Variants in FGF12 observed in about 807,000 individuals in gnomAD.
FGF12 encodes fibroblast growth factor 12B.
In FGF12, 14 loss-of-function variants were observed where a neutral mutation model predicts 23.6. The ratio of observed to expected loss-of-function variants is 0.59; its 90% CI spans 0.39 to 0.93. The LOEUF is 0.93. Among genes scored for constraint, FGF12 ranks in the 40% least tolerant of loss-of-function variants. The pLI is 0.00. For missense variants in FGF12, 175 were observed against 217.8 expected (o/e 0.80, Z 1.24); for synonymous variants, 62 against 77.3 (o/e 0.80, Z 1.04).
At position 192,303,306 on chromosome 3, in the gene FGF12, C is replaced by T. The variant is rs141063407; in HGVS notation, c.228+32055G>A. On this transcript the variant is annotated intron_variant, in intron 4 of 5. Coordinates refer to ENST00000445105, the MANE Select transcript of FGF12 (RefSeq NM_004113.6). Reference sequence around the variant, plus strand: ...TCACGTTAGTAGACAAAAACATCGACTTGAAGGATGTCCTTGCCAGGTTAG... The same window carrying T: ...TCACGTTAGTAGACAAAAACATCGATTTGAAGGATGTCCTTGCCAGGTTAG... Among the ~76,000 whole-genome samples the T allele has an allele frequency of 1.1e-3, 171 of 152,286 alleles. 1 individual carries two copies. Among genetic ancestry groups the T allele is most frequent in the African/African-American group, 3.9e-3 (162 of 41,552 alleles).
chr3:192,219,450 C>A (rs72625050), intron 4 of FGF12, among the ~76,000 whole-genome samples: 49,937 of 151,886 alleles, frequency 0.33, 9,383 homozygotes, highest in East Asian at 0.89. Flanking sequence ...AGTGGGATCA[C>A]CTGAGATACT....
intron 5 of FGF12, among the ~76,000 whole-genome samples, chr3:192,158,367 TTTCTTTCTTTCTTTC>T (rs769434220): frequency 1.6e-5 from 2 of 122,430 alleles, no homozygotes; most frequent in Admixed American, 8.8e-5. Flanking sequence ...TCTTTCTTTC[TTTCTTTCTTTCTTTC>T]TTTTCTTTCT....
At chr3:192,667,492 C>T (rs909714504) in intron 2 of FGF12, among the ~76,000 whole-genome samples, 1 of 151,178 alleles carries the variant, frequency 6.6e-6, no homozygotes, top group Non-Finnish European at 1.5e-5. Flanking sequence ...TACCTGTAGT[C>T]TCAGCTACCC....
At chr3:192,709,521 G>T (rs541603374) in intron 2 of FGF12, among the ~76,000 whole-genome samples, 1 of 152,310 alleles carries the variant, frequency 6.6e-6, no homozygotes, top group African/African-American at 2.4e-5. Flanking sequence ...TTAGTGGAAA[G>T]TATATTACTA....
At chr3:192,671,175 A>T (rs1312454185) in intron 2 of FGF12, among the ~76,000 whole-genome samples, 1 of 152,230 alleles carries the variant, frequency 6.6e-6, no homozygotes, top group Non-Finnish European at 1.5e-5. Flanking sequence ...CATACCAAGT[A>T]AAGGAATTTA....
At chr3:192,354,990 G>A (rs1398752272) in intron 3 of FGF12, among the ~76,000 whole-genome samples, 2 of 152,158 alleles carry the variant, frequency 1.3e-5, no homozygotes, top group Non-Finnish European at 2.9e-5. Context: ...GATTACAGGC[G>A]TCAGCCACTG....
At chr3:192,519,621 T>C (rs548923329) in intron 2 of FGF12, among the ~76,000 whole-genome samples, 3 of 152,356 alleles carry the variant, frequency 2.0e-5, no homozygotes, top group African/African-American at 7.2e-5. Flanking sequence ...CTCAAACTTT[T>C]ATCCACTGAT....
In FGF12 at chr3:192,384,636, A is replaced by G. The variant is rs1008926072; in HGVS notation, c.14-24098T>C. On this transcript the variant is annotated intron_variant, in intron 2 of 5. Transcript: ENST00000445105. Reference sequence around the variant, plus strand: ...TTAATACATATATGAAAATTCTTAAAGAGAAAAAAATACTTATACACATAC... The same window carrying G: ...TTAATACATATATGAAAATTCTTAAGGAGAAAAAAATACTTATACACATAC... 3.9e-5 allele frequency among the ~76,000 whole-genome samples: 6 copies of G among 152,362 alleles called. No homozygotes were observed. The South Asian group carries it at 1.2e-3, about 32-fold the overall frequency.
chr3:192,453,956 T>C (rs1033736054), intron 2 of FGF12, among the ~76,000 whole-genome samples: 13 of 152,186 alleles, frequency 8.5e-5, no homozygotes, highest in African/African-American at 2.2e-4. Flanking sequence ...TTTCTCTCCA[T>C]GCAATACTTT....
Position 192,483,645 on chromosome 3 carries a change from C to T in FGF12, c.14-123107G>A, listed in dbSNP as rs1723542836. ...GTGTAAATGAGAGAAGAATTCAAAG[C>T]AGAGAATGATCATTCCAGCATGAAT... On this transcript the variant is annotated intron_variant, in intron 2 of 5. Transcript: ENST00000445105. Among the ~76,000 whole-genome samples the T allele has an allele frequency of 2.6e-5, 4 of 152,176 alleles. No homozygotes were observed. In the South Asian group the frequency reaches 8.3e-4, roughly 32 times the overall value.
intron 4 of FGF12, among the ~76,000 whole-genome samples, chr3:192,319,426 G>T (rs572373146): frequency 6.6e-6 from 1 of 151,756 alleles, no homozygotes; most frequent in Non-Finnish European, 1.5e-5. Flanking sequence ...GTGAAACTTC[G>T]CCTCTACTAA....
chr3:192,711,358 G>A (rs549008161), intron 2 of FGF12, among the ~76,000 whole-genome samples: 42 of 151,896 alleles, frequency 2.8e-4, no homozygotes, highest in African/African-American at 5.6e-4. Flanking sequence ...CCGCCGTCCC[G>A]TCCGGGAGGT....
chr3:192,185,753 G>A (rs144815698), intron 4 of FGF12, among the ~76,000 whole-genome samples: 7 of 151,880 alleles, frequency 4.6e-5, no homozygotes, highest in East Asian at 1.9e-4. Context: ...CCAGCTACTC[G>A]GGAGGCTGAG....
chr3:192,614,291 A>C (rs1459798498), intron 2 of FGF12, among the ~76,000 whole-genome samples: 3 of 151,886 alleles, frequency 2.0e-5, no homozygotes, highest in Non-Finnish European at 2.9e-5. Flanking sequence ...AATCTGCTAC[A>C]AAGATCCTTT....
intron 4 of FGF12, among the ~76,000 whole-genome samples, chr3:192,210,422 G>GCC (rs1717869893): frequency 6.6e-6 from 1 of 152,222 alleles, no homozygotes; most frequent in Non-Finnish European, 1.5e-5. Flanking sequence ...CTCACACAGA[G>GCC]CCAAGAGTAG....
intron 5 of FGF12, among the ~76,000 whole-genome samples, chr3:192,155,132 T>C (rs1714317424): frequency 6.6e-6 from 1 of 151,614 alleles, no homozygotes; most frequent in Non-Finnish European, 1.5e-5. Flanking sequence ...CCTGCCCCCT[T>C]GCGCTTCCCA....
chr3:192,399,270 G>A (rs1203811435), intron 2 of FGF12, among the ~76,000 whole-genome samples: 1 of 152,086 alleles, frequency 6.6e-6, no homozygotes, highest in Non-Finnish European at 1.5e-5. Context: ...TCATGAATGG[G>A]ATTAGTGGTC....
At chr3:192,439,397 G>A (rs1424401497) in intron 2 of FGF12, among the ~76,000 whole-genome samples, 1 of 152,170 alleles carries the variant, frequency 6.6e-6, no homozygotes, top group Non-Finnish European at 1.5e-5. Flanking sequence ...TTTTCTCCAT[G>A]TAATGCAACT....
At chr3:192,439,839 T>C (rs1484259147) in intron 2 of FGF12, among the ~76,000 whole-genome samples, 1 of 151,790 alleles carries the variant, frequency 6.6e-6, no homozygotes, top group Non-Finnish European at 1.5e-5. Context: ...TAGCCGGGTG[T>C]GGTGGTGGGC....
Sources: allele counts gnomAD v4.1 joint callset (sites outside exome capture counted in the v4.1 genomes callset), GRCh38; gene constraint gnomAD v4.1.1; transcripts MANE v1.5; gene names NCBI Gene and HGNC (gene_info 2026-07-23, HGNC 2026-07-21).